Variants in ABCA1 observed in about 807,000 individuals in gnomAD.
ABCA1 encodes the protein phospholipid-transporting ATPase ABCA1.
Under a neutral mutation model 262.5 loss-of-function variants are expected in ABCA1, and 133 were observed. The observed-to-expected ratio is 0.51, with a 90% CI of 0.44 to 0.59. The LOEUF (loss-of-function observed/expected upper bound fraction) is 0.59. ABCA1 is among the 20% of genes least tolerant of loss of function. The pLI is 0.00. For missense variants in ABCA1, 2,452 were observed against 2,777.5 expected (o/e 0.88, Z 2.63); for synonymous variants, 1,022 against 1,043.5 (o/e 0.98, Z 0.40).
chr9:104,914,056 C>T (rs1002375808), intron 1 of ABCA1, among the ~76,000 whole-genome samples: 1 of 151,872 alleles, frequency 6.6e-6, no homozygotes, highest in Non-Finnish European at 1.5e-5. Context: ...GCCTCAGCCT[C>T]CCAAAGTGCT....
At chr9:104,853,995 C>T (rs929827100) in intron 7 of ABCA1, among the ~76,000 whole-genome samples, 2 of 152,134 alleles carry the variant, frequency 1.3e-5, no homozygotes, top group Non-Finnish European at 2.9e-5. Flanking sequence ...AGGAGATTAT[C>T]CTGGATTATG....
At chr9:104,803,542 T>G (rs1830516930) in intron 32 of ABCA1, among the ~76,000 whole-genome samples, 1 of 152,218 alleles carries the variant, frequency 6.6e-6, no homozygotes, top group Non-Finnish European at 1.5e-5. Context: ...GAACCAGGCC[T>G]TGGGTTAAAC....
At chr9:104,887,817 C>T (rs1000163127) in intron 3 of ABCA1, among the ~76,000 whole-genome samples, 6 of 149,132 alleles carry the variant, frequency 4.0e-5, no homozygotes, top group Admixed American at 1.4e-4. Flanking sequence ...ACCTCAGCCT[C>T]GCAGGTTGAA....
chr9:104,871,564 A>G (rs76716911), intron 5 of ABCA1, among the ~76,000 whole-genome samples: 4,720 of 152,248 alleles, frequency 0.031, 103 homozygotes, highest in Non-Finnish European at 0.041. Flanking sequence ...AGATAACACT[A>G]AGACATAACA....
intron 21 of ABCA1, 43 bp from the exon 22 acceptor site, chr9:104,819,766 G>C: frequency 6.2e-7 from 1 of 1,613,890 alleles, no homozygotes. Context: ...ACCAGCCCCA[G>C]ACAGTGAGTG....
chr9:104,826,011 A>G (rs989438394), intron 16 of ABCA1, 124 bp from the exon 17 acceptor site: 6 of 955,214 alleles, frequency 6.3e-6, no homozygotes, highest in Non-Finnish European at 9.9e-6. Context: ...AAGGTGCAGA[A>G]GTAGTATTTA....
At chr9:104,924,480 C>T (rs1294914141) in intron 1 of ABCA1, among the ~76,000 whole-genome samples, 2 of 151,726 alleles carry the variant, frequency 1.3e-5, no homozygotes, top group Non-Finnish European at 2.9e-5. Context: ...TGTGGTGGCA[C>T]GCACCTGTAA....
At chr9:104,797,851 A>C (rs1324521799) in intron 37 of ABCA1, among the ~76,000 whole-genome samples, 1 of 152,238 alleles carries the variant, frequency 6.6e-6, no homozygotes, top group Non-Finnish European at 1.5e-5. Flanking sequence ...GCTTATAATT[A>C]ATAGAAGTTA....
chr9:104,833,893 C>A (rs905239296), intron 11 of ABCA1, among the ~76,000 whole-genome samples: 2 of 152,020 alleles, frequency 1.3e-5, no homozygotes, highest in Non-Finnish European at 2.9e-5. Flanking sequence ...TCCAGAGGGG[C>A]CGAGGCAGAG....
In ABCA1 at chr9:104,879,073, T is replaced by TAA. The variant is rs760244801; in HGVS notation, c.421+3964_421+3965dup. ...CTGGTGACAGAGCGAGGCTCTGTCTTAAAAAAAAAAAAGAAAGAAAAGAAA... is the reference window on the plus strand; with the variant it reads ...CTGGTGACAGAGCGAGGCTCTGTCTTAAAAAAAAAAAAAAGAAAGAAAAGAAA... On this transcript the variant is annotated intron_variant, in intron 5 of 49. Coordinates refer to ENST00000374736, the MANE Select transcript of ABCA1 (RefSeq NM_005502.4). Among the ~76,000 whole-genome samples the TAA allele has an allele frequency of 5.4e-3, 768 of 143,316 alleles. 5 individuals are homozygous for TAA. The highest frequency in any genetic ancestry group is 0.02 in the South Asian group (88 of 4,482). 94.0% of individuals were successfully genotyped at this position (143,316 alleles called of 152,430 possible). A position where few individuals can be genotyped will look rare whatever the true frequency, so the allele number is the denominator to read the frequency against.
At chr9:104,802,889 G>A (rs1830461232) in intron 33 of ABCA1, among the ~76,000 whole-genome samples, 1 of 152,140 alleles carries the variant, frequency 6.6e-6, no homozygotes, top group Non-Finnish European at 1.5e-5. Flanking sequence ...AATTGTCCTT[G>A]AGTCCTTAAG....
chr9:104,841,812 TTCTG>T (rs1358571809), intron 8 of ABCA1, among the ~76,000 whole-genome samples: 8 of 152,232 alleles, frequency 5.3e-5, no homozygotes, highest in Non-Finnish European at 1.2e-4. Context: ...CCAGGCAGCG[TTCTG>T]TCTTACATGC....
intron 35 of ABCA1, 38 bp from the exon 36 acceptor site, chr9:104,800,026 A>T: frequency 6.2e-7 from 1 of 1,613,328 alleles, no homozygotes; most frequent in African/African-American, 1.3e-5. Flanking sequence ...TAATGCCCCC[A>T]AACCGGGCTC....
At chr9:104,840,152 G>A in intron 9 of ABCA1, 127 bp downstream of exon 9, 1 of 1,520,992 alleles carries the variant, frequency 6.6e-7, no homozygotes, top group Non-Finnish European at 9.0e-7. Flanking sequence ...GAAGAGCTCA[G>A]TCTGGTGGGC....
chr9:104,887,231 T>C (rs1426378215), intron 3 of ABCA1, among the ~76,000 whole-genome samples: 9 of 152,114 alleles, frequency 5.9e-5, no homozygotes, highest in Admixed American at 5.2e-4. Flanking sequence ...TGAGCGGAGA[T>C]TGCACTACTG....
At chr9:104,872,391 C>T (rs897381416) in intron 5 of ABCA1, among the ~76,000 whole-genome samples, 2 of 152,168 alleles carry the variant, frequency 1.3e-5, no homozygotes, top group Admixed American at 1.3e-4. Context: ...GGGATGGCAC[C>T]TATGCTTCCT....
intron 9 of ABCA1, among the ~76,000 whole-genome samples, chr9:104,838,548 C>T (rs1391486907): frequency 2.8e-4 from 42 of 149,738 alleles, no homozygotes; most frequent in African/African-American, 1.0e-3. Context: ...ACCCGGGAGG[C>T]GGAGCTTGCA....
At chr9:104,832,455 A>G in intron 12 of ABCA1, 119 bp downstream of exon 12, 1 of 1,086,608 alleles carries the variant, frequency 9.2e-7, no homozygotes, top group Non-Finnish European at 1.4e-6. Context: ...CTTGAGGGAT[A>G]GTTTTGTAAA....
At chr9:104,923,258 T>A (rs1445266974) in intron 1 of ABCA1, among the ~76,000 whole-genome samples, 2 of 152,250 alleles carry the variant, frequency 1.3e-5, no homozygotes, top group Admixed American at 1.3e-4. Flanking sequence ...CCTTTGTTTC[T>A]TAGGCCCTTA....
Sources: allele counts gnomAD v4.1 joint callset (sites outside exome capture counted in the v4.1 genomes callset), GRCh38; gene constraint gnomAD v4.1.1; transcripts MANE v1.5; gene names NCBI Gene and HGNC (gene_info 2026-07-23, HGNC 2026-07-21).